Variants in CERS1 observed in about 807,000 individuals in gnomAD.
The protein encoded by CERS1 is ceramide synthase 1.
A neutral mutation model predicts 35.7 loss-of-function variants in CERS1; 16 were observed. The ratio of observed to expected loss-of-function variants is 0.45; its 90% confidence interval spans 0.30 to 0.68. CERS1 has a LOEUF of 0.68. Ranked by LOEUF, CERS1 falls within the 30% of genes least tolerant of loss-of-function variation. The pLI is 0.08. For missense variants in CERS1, 454 were observed against 453.9 expected, an observed-to-expected ratio of 1.00 and a Z score of 0.00; for synonymous variants, 243 against 201.6, an observed-to-expected ratio of 1.21 and a Z score of -1.74.
At chr19:18,893,980 T>A (rs908174119) in intron 1 of CERS1, among the ~76,000 whole-genome samples, 1 of 150,786 alleles carries the variant, frequency 6.6e-6, no homozygotes, top group Non-Finnish European at 1.5e-5. Flanking sequence ...GAGAGCCCCA[T>A]GGGACCGACA....
At chr19:18,889,712 G>A (rs2146056730) in intron 2 of CERS1, among the ~76,000 whole-genome samples, 1 of 152,236 alleles carries the variant, frequency 6.6e-6, no homozygotes, top group African/African-American at 2.4e-5. Context: ...TTCCAGGAGT[G>A]AGTCACCGCA....
At chr19:18,874,461 G>GCCTGGC (rs2056027208) in intron 6 of CERS1, among the ~76,000 whole-genome samples, 1 of 152,154 alleles carries the variant, frequency 6.6e-6, no homozygotes, top group Non-Finnish European at 1.5e-5. Flanking sequence ...GAGTCACCGT[G>GCCTGGC]CCCAGCCCAG....
intron 2 of CERS1, among the ~76,000 whole-genome samples, chr19:18,888,358 C>CA (rs909589943): frequency 5.1e-4 from 74 of 146,238 alleles, no homozygotes; most frequent in African/African-American, 1.8e-3. Context: ...GACTCCATCT[C>CA]AAAAAAAAAA....
Position 18,870,156 on chromosome 19 carries a change from C to G in CERS1, c.*421G>C, listed in dbSNP as rs1011691382. 6.4e-7 allele frequency: 1 copy of G among 1,562,784 alleles called. No homozygotes were observed. Reference sequence around the variant, plus strand: ...GGGAACCGGCCGGAGCCTGGGGGCACCCTGGGGCTCATCGCGCAGTCCTAG... The same window carrying G: ...GGGAACCGGCCGGAGCCTGGGGGCAGCCTGGGGCTCATCGCGCAGTCCTAG... On this transcript the variant is annotated 3_prime_UTR_variant, in exon 7 of 8. Coordinates refer to ENST00000623882, the MANE Select transcript of CERS1 (RefSeq NM_021267.5). The surrounding 1 kb of genome is among the most constrained non-coding windows in gnomAD (Gnocchi z 5.1).
rs760645169 is a variant in CERS1, at chr19:18,868,594, G to A, written c.*1391C>T. On this transcript the variant is annotated 3_prime_UTR_variant, in exon 8 of 8. Transcript: ENST00000623882. ...TTGGGCCCGCGTCCCTGCCCGCCCCGGGTTAGCGGCAGCCGCACTCGTCCA... is the reference window on the plus strand; with the variant it reads ...TTGGGCCCGCGTCCCTGCCCGCCCCAGGTTAGCGGCAGCCGCACTCGTCCA... 12 of 1,553,472 alleles carry A rather than the reference G, an allele frequency of 7.7e-6. No homozygotes were observed. Among genetic ancestry groups the A allele is most frequent in the East Asian group, 4.8e-5 (2 of 41,436 alleles).
Position 18,895,799 on chromosome 19 carries a change from C to A in CERS1, c.249+25G>T, listed in dbSNP as rs2056610681. On this transcript the variant is annotated intron_variant, in intron 1 of 7. Coordinates refer to ENST00000623882, the MANE Select transcript of CERS1 (RefSeq NM_021267.5). The surrounding 1 kb of genome is among the most constrained non-coding windows in gnomAD (Gnocchi z 6.4). ...GGCTTCCCCCAGTCCGGGGTCCCCT[C>A]GTCCCGGCCCCCGGCCACACTGACC... 1.7e-6 allele frequency: 2 copies of A among 1,201,802 alleles called. No individual in the cohort carries two copies. The highest frequency in any genetic ancestry group is 3.7e-5 in the East Asian group (1 of 26,948). The allele number at this position is 1,201,802 out of a possible 1,614,324, so 74.4% of individuals were successfully genotyped here. A position where few individuals can be genotyped will look rare whatever the true frequency, so the allele number is the denominator to read the frequency against.
At chr19:18,896,533 C>G (rs1010313120), upstream of CERS1, 4 of 153,954 alleles carry the variant, frequency 2.6e-5, no homozygotes, top group African/African-American at 9.6e-5. This position sits in a 1 kb window ranked among gnomAD's most constrained non-coding sequence, Gnocchi z 5.9. Flanking sequence ...CGCTCCCGCT[C>G]CATCGCCCCG....
Position 18,870,355 on chromosome 19 carries a change from C to G in CERS1, c.*222G>C, listed in dbSNP as rs900657811. 6.5e-6 allele frequency: 10 copies of G among 1,538,646 alleles called. No homozygotes were observed. The highest frequency in any genetic ancestry group is 3.9e-5 in the Admixed American group (2 of 50,682). ...AGAGTGCGCAGGGTCCGCGGCGGCC[C>G]GGGACCAGTGGGCTGAGGGCGGGGC... is the stretch of plus-strand genomic sequence containing the variant. On this transcript the variant is annotated 3_prime_UTR_variant, in exon 7 of 8. Transcript: ENST00000623882. This position sits in a 1 kb window ranked among gnomAD's most constrained non-coding sequence, Gnocchi z 5.1.
chr19:18,870,412 G>C lies in CERS1; in HGVS notation c.*165C>G. The C allele has an allele frequency of 7.8e-7, 1 of 1,288,450 alleles. No individual in the cohort carries two copies. The highest frequency in any genetic ancestry group is 1.1e-6 in the Non-Finnish European group (1 of 928,780). The allele number at this position is 1,288,450 out of a possible 1,614,324, so 79.8% of individuals were successfully genotyped here. The stretch of plus-strand genomic sequence containing the variant: ...CCCCGGAGGGGCAGGGGTCCTGGGG[G>C]GCGTGGCCGGGAACTGGAGGCAGGA... On this transcript the variant is annotated 3_prime_UTR_variant, in exon 7 of 8. Transcript: ENST00000623882. This position sits in a 1 kb window ranked among gnomAD's most constrained non-coding sequence, Gnocchi z 5.1.
chr19:18,895,801 TC>T lies in CERS1; in HGVS notation c.249+22del. 8.4e-7 allele frequency: 1 copy of T among 1,195,066 alleles called. No homozygotes were observed. The highest frequency in any genetic ancestry group is 1.0e-6 in the Non-Finnish European group (1 of 954,152). The allele number at this position is 1,195,066 out of a possible 1,614,324, so 74.0% of individuals were successfully genotyped here. A position where few individuals can be genotyped will look rare whatever the true frequency, so the allele number is the denominator to read the frequency against. The stretch of plus-strand genomic sequence containing the variant: ...CTTCCCCCAGTCCGGGGTCCCCTCG[TC>T]CCGGCCCCCGGCCACACTGACCCGA... On this transcript the variant is annotated intron_variant, in intron 1 of 7. Transcript: ENST00000623882. This position sits in a 1 kb window ranked among gnomAD's most constrained non-coding sequence, Gnocchi z 6.4.
chr19:18,887,200 T>G (rs2056383296), intron 2 of CERS1, among the ~76,000 whole-genome samples: 1 of 152,236 alleles, frequency 6.6e-6, no homozygotes, highest in Non-Finnish European at 1.5e-5. Context: ...GGATCCATGC[T>G]ACAATGTGGG....
rs765999204 is a variant in CERS1 at position 18,879,361 on chromosome 19, C to A, written c.780G>T (p.Pro260=). 3 of 1,584,990 alleles carry A rather than the reference C, an allele frequency of 1.9e-6. No homozygotes were observed. The highest frequency in any genetic ancestry group is 1.3e-5 in the African/African-American group (1 of 74,416). The change falls in exon 5 of 8, where the codon CCG becomes CCT. Residue 260 remains proline (P), a synonymous_variant. Coordinates refer to ENST00000623882, the MANE Select transcript of CERS1 (RefSeq NM_021267.5). ...GACTGGTGGCATACAGGACCTTGAGCGGGAACCAGTAGAGGCGGAACCAGA... is the reference window on the plus strand; with the variant it reads ...GACTGGTGGCATACAGGACCTTGAGAGGGAACCAGTAGAGGCGGAACCAGA... The part of the protein sequence containing the change: ...SWFWFRLYWF[P]LKVLYATSHC...
chr19:18,869,425 G>A, intron 7 of CERS1, 35 bp from the exon 8 acceptor site: 2 of 1,523,440 alleles, frequency 1.3e-6, no homozygotes, highest in East Asian at 2.5e-5. Flanking sequence ...GGCTCGCGCT[G>A]CGTCCCCGGC....
rs911875151 is a variant in CERS1, at chr19:18,878,812, G to T, written c.1010+118C>A. The T allele has an allele frequency of 8.7e-6, 13 of 1,492,818 alleles. No individual in the cohort carries two copies. The highest frequency in any genetic ancestry group is 6.9e-5 in the African/African-American group (5 of 72,106). The allele number at this position is 1,492,818 out of a possible 1,614,324, so 92.5% of individuals were successfully genotyped here. A position where few individuals can be genotyped will look rare whatever the true frequency, so the allele number is the denominator to read the frequency against. ...CAGTCTCTGTTTTGGAGTAGGCTTG[G>T]GGGGCAGCATCCGCGTCGGCCTCAT... On this transcript the variant is annotated intron_variant, in intron 6 of 7. Coordinates refer to ENST00000623882, the MANE Select transcript of CERS1 (RefSeq NM_021267.5). The surrounding 1 kb of genome is among the most constrained non-coding windows in gnomAD (Gnocchi z 4.6).
chr19:18,887,382 G>A (rs76273624), intron 2 of CERS1, among the ~76,000 whole-genome samples: 2 of 152,274 alleles, frequency 1.3e-5, no homozygotes, highest in South Asian at 2.1e-4. Flanking sequence ...CTAATGGGAC[G>A]GGGTTTCCTT....
rs762980077 is a variant in CERS1 at position 18,893,455 on chromosome 19, C to T, written c.370G>A (p.Asp124Asn). ...GGTGGGTCATGGAAGAAGGGGTAGT[C>T]GGTGCCAAACAGCAGGTAGGCACTG... ...SYSAYLLFGT[D>N]YPFFHDPPSV... Residue 124 changes from aspartate to asparagine, a missense_variant, in exon 2 of 8, where the codon GAC becomes AAC. Asp to Asn is a conservative substitution (Grantham distance 23). Coordinates refer to ENST00000623882, the MANE Select transcript of CERS1 (RefSeq NM_021267.5). 5.0e-6 allele frequency: 8 copies of T among 1,606,020 alleles called. No homozygotes were observed. The highest frequency in any genetic ancestry group is 2.2e-5 in the East Asian group (1 of 44,572).
chr19:18,886,993 G>C (rs2056377592), intron 2 of CERS1, among the ~76,000 whole-genome samples: 1 of 152,188 alleles, frequency 6.6e-6, no homozygotes, highest in Admixed American at 6.5e-5. Context: ...CGGTCACCAT[G>C]ACCCAGCAAG....
chr19:18,879,430 G>C, intron 4 of CERS1, 42 bp from the exon 5 acceptor site: 1 of 1,546,166 alleles, frequency 6.5e-7, no homozygotes, highest in Non-Finnish European at 8.7e-7. Context: ...GGAGGGGGAC[G>C]GTGCCCTACC....
Position 18,879,398 on chromosome 19 carries a change from G to A in CERS1, c.753-10C>T. 6.4e-7 allele frequency: 1 copy of A among 1,554,918 alleles called. No homozygotes were observed. Among genetic ancestry groups the A allele is most frequent in the Non-Finnish European group, 8.7e-7 (1 of 1,149,278 alleles). On this transcript the variant is annotated splice_polypyrimidine_tract_variant and intron_variant, in intron 4 of 7. Coordinates refer to ENST00000623882, the MANE Select transcript of CERS1 (RefSeq NM_021267.5). Reference sequence around the variant, plus strand: ...GAGGCGGAACCAGAACCTGCGGTGGGAGGAGTCAGGAGGCCGTGGGTGGAG... The same window carrying A: ...GAGGCGGAACCAGAACCTGCGGTGGAAGGAGTCAGGAGGCCGTGGGTGGAG...
Sources: gnomAD v4.1 joint callset for allele counts (sites outside exome capture counted in the v4.1 genomes callset) on GRCh38, gnomAD v4.1.1 for gene constraint, Gnocchi (gnomAD v3.1) non-coding constraint, MANE v1.5 for transcripts, NCBI Gene and HGNC (gene_info 2026-07-23, HGNC 2026-07-21) for gene names.